ANKRD36: variants seen among roughly 807,000 people sequenced by gnomAD.
The protein encoded by ANKRD36 is ankyrin repeat domain-containing protein 36A.
In ANKRD36, 179 loss-of-function variants were observed where a neutral mutation model predicts 278.1. That is an observed-to-expected ratio of 0.64 (90% CI 0.57 to 0.73). ANKRD36 has a LOEUF of 0.73. Ranked by LOEUF, ANKRD36 falls within the 30% of genes least tolerant of loss-of-function variation. The pLI is 0.00. For missense variants in ANKRD36, 1,159 were observed against 1,956.7 expected (o/e 0.59, Z 7.69); for synonymous variants, 320 against 641.1 (o/e 0.50, Z 7.57).
At chr2:97,118,002 G>T (rs1454459610) in intron 1 of ANKRD36, 62 bp from the exon 2 acceptor site, 2 of 1,530,898 alleles carry the variant, frequency 1.3e-6, no homozygotes, top group Middle Eastern at 3.4e-4. Context: ...TGAAGACAGA[G>T]AAATGACATG....
chr2:97,190,795 C>T (rs1284609019), intron 34 of ANKRD36, among the ~76,000 whole-genome samples, 183 bp from the exon 35 acceptor site: 6 of 151,644 alleles, frequency 4.0e-5, no homozygotes, highest in Admixed American at 6.6e-5. Context: ...TTTCATGGAG[C>T]CTGTATTCCC....
At chr2:97,226,592 G>T (rs1224057883) in intron 67 of ANKRD36, among the ~76,000 whole-genome samples, 1 of 151,938 alleles carries the variant, frequency 6.6e-6, no homozygotes, top group Non-Finnish European at 1.5e-5. Context: ...TCACTCTGAT[G>T]GTAGTTTCTT....
intron 67 of ANKRD36, among the ~76,000 whole-genome samples, chr2:97,225,519 A>C (rs1229339987): frequency 6.6e-6 from 1 of 152,046 alleles, no homozygotes; most frequent in African/African-American, 2.4e-5. Context: ...CACTGTCATT[A>C]GTAGACCTTA....
chr2:97,135,850 GGACCATGGTT>G (rs1396126178), intron 6 of ANKRD36, among the ~76,000 whole-genome samples: 1 of 151,856 alleles, frequency 6.6e-6, no homozygotes, highest in Non-Finnish European at 1.5e-5. Context: ...TTTTATTTAT[GGACCATGGTT>G]GACCATGGGT....
intron 15 of ANKRD36, among the ~76,000 whole-genome samples, chr2:97,156,378 A>T (rs1473297415): frequency 2.3e-5 from 2 of 86,844 alleles, no homozygotes; most frequent in East Asian, 3.1e-4. Context: ...CCCTACCCCC[A>T]CCCCACAACA....
At chr2:97,114,305 G>A (rs2034572648) in intron 1 of ANKRD36, among the ~76,000 whole-genome samples, 1 of 104,348 alleles carries the variant, frequency 9.6e-6, no homozygotes, top group Non-Finnish European at 1.9e-5. Context: ...GGGTGGGGGT[G>A]AATGGGGTGG....
intron 30 of ANKRD36, among the ~76,000 whole-genome samples, chr2:97,186,901 A>G (rs1341168549): frequency 6.6e-6 from 1 of 151,900 alleles, no homozygotes; most frequent in Non-Finnish European, 1.5e-5. Flanking sequence ...ATTTTTGATC[A>G]CATTTGTCGT....
Position 97,183,624 on chromosome 2 carries a change from A to C in ANKRD36, c.1909A>C (p.Arg637=). 1 of 1,573,064 alleles carries C rather than the reference A, an allele frequency of 6.4e-7. No individual in the cohort carries two copies. ...AGTTTCTCTTTTGAATATTGCCACA[A>C]GAATAATGGGTGGTGGGAAATCTGG... ...KKVSLLNIAT[R]IMGGGKSGTV... is the part of the protein sequence containing the mutation. The change falls in exon 28 of 76, where the codon AGA becomes CGA. Residue 637 remains arginine, a synonymous_variant. Transcript: ENST00000420699.
At chr2:97,201,409 A>G (rs1344397395) in intron 46 of ANKRD36, among the ~76,000 whole-genome samples, 2 of 151,946 alleles carry the variant, frequency 1.3e-5, no homozygotes, top group Non-Finnish European at 2.9e-5. Flanking sequence ...ATCATTTTCA[A>G]TGAATATTGG....
chr2:97,160,306 G>A (rs568942473), intron 17 of ANKRD36, among the ~76,000 whole-genome samples: 33 of 152,370 alleles, frequency 2.2e-4, no homozygotes, highest in Admixed American at 1.2e-3. Context: ...TTATAGAATC[G>A]TAAGGAAAGA....
At chr2:97,144,287 T>C (rs537500522) in intron 8 of ANKRD36, among the ~76,000 whole-genome samples, 326 of 152,348 alleles carry the variant, frequency 2.1e-3, no homozygotes, top group African/African-American at 7.6e-3. Context: ...AATAGACATG[T>C]GAAGAATAAT....
At chr2:97,231,833 T>A (rs1301262846) in intron 67 of ANKRD36, among the ~76,000 whole-genome samples, 2 of 152,100 alleles carry the variant, frequency 1.3e-5, no homozygotes, top group Non-Finnish European at 2.9e-5. Flanking sequence ...TGGCTCCTAA[T>A]AATTTAAAGT....
In ANKRD36 at chr2:97,113,182, A is replaced by G. The variant is rs2034042950; in HGVS notation, c.-558A>G. 6.6e-6 allele frequency among the ~76,000 whole-genome samples: 1 copy of G among 151,856 alleles called. No individual in the cohort carries two copies. Among genetic ancestry groups the G allele is most frequent in the African/African-American group, 2.4e-5 (1 of 41,368 alleles). On this transcript the variant is annotated 5_prime_UTR_variant, in exon 1 of 76. Transcript: ENST00000420699. The stretch of plus-strand genomic sequence containing the variant: ...GAGCCCGAGCTGCAGTGCCGCCTAC[A>G]AGTGGTGCGCTGGCTGCAGCTGTGG...
At chr2:97,124,812 A>C (rs1459834153) in intron 5 of ANKRD36, among the ~76,000 whole-genome samples, 1 of 151,976 alleles carries the variant, frequency 6.6e-6, no homozygotes, top group Admixed American at 6.6e-5. Flanking sequence ...AAGTAGCAGT[A>C]GGTGCAAGAT....
intron 66 of ANKRD36, among the ~76,000 whole-genome samples, chr2:97,221,140 G>C (rs1368122168): frequency 7.3e-6 from 1 of 137,146 alleles, no homozygotes; most frequent in Non-Finnish European, 1.5e-5. Context: ...GTATTCCATG[G>C]CATATATGTG....
Position 97,179,369 on chromosome 2 carries a change from C to T in ANKRD36, c.1634-369C>T, listed in dbSNP as rs951402792. Among the ~76,000 whole-genome samples the T allele has an allele frequency of 3.3e-5, 5 of 151,622 alleles. 1 individual carries two copies. In the Middle Eastern group the frequency reaches 0.01, roughly 309 times the overall value. ...ATCTTGCATGAAAGACATGCGGATG[C>T]GTGTATCACCTGCTTTGACGTTGAT... On this transcript the variant is annotated intron_variant, in intron 22 of 75. Transcript: ENST00000420699.
chr2:97,140,913 G>A (rs2042737604), intron 6 of ANKRD36, among the ~76,000 whole-genome samples: 1 of 151,824 alleles, frequency 6.6e-6, no homozygotes, highest in African/African-American at 2.4e-5. Context: ...GAGACTTGTG[G>A]GGAGTCACTT....
At chr2:97,149,486 A>C (rs1304424008) in intron 12 of ANKRD36, 125 bp downstream of exon 12, 1 of 769,896 alleles carries the variant, frequency 1.3e-6, no homozygotes, top group Admixed American at 3.7e-5. Context: ...CTTTTATTAG[A>C]GATAACCATT....
intron 24 of ANKRD36, 89 bp from the exon 25 acceptor site, chr2:97,181,509 G>C: frequency 6.4e-7 from 1 of 1,563,110 alleles, no homozygotes; most frequent in Non-Finnish European, 8.6e-7. Flanking sequence ...CAGGCAGGAA[G>C]ATACAGCTTG....
Sources: gnomAD v4.1 joint callset for allele counts (sites outside exome capture counted in the v4.1 genomes callset) on GRCh38, gnomAD v4.1.1 for gene constraint, MANE v1.5 for transcripts, NCBI Gene and HGNC (gene_info 2026-07-23, HGNC 2026-07-21) for gene names.